ANKFN1: variants seen among roughly 807,000 people sequenced by gnomAD.
ANKFN1 encodes ankyrin repeat and fibronectin type-III domain-containing protein 1.
In ANKFN1, 74 loss-of-function variants were observed where a neutral mutation model predicts 108.7. That is an observed-to-expected ratio of 0.68 (90% CI 0.56 to 0.83). ANKFN1 has a LOEUF of 0.83. ANKFN1 is among the 40% of genes least tolerant of loss of function. ANKFN1 has a pLI of 0.00. For synonymous variants in ANKFN1, 547 were observed against 516.2 expected, an observed-to-expected ratio of 1.06 and a Z score of -0.81; for missense variants, 1,505 against 1,382.3, an observed-to-expected ratio of 1.09 and a Z score of -1.41.
intron 2 of ANKFN1, among the ~76,000 whole-genome samples, chr17:56,220,099 T>C (rs1032366873): frequency 6.6e-6 from 1 of 152,196 alleles, no homozygotes; most frequent in African/African-American, 2.4e-5. Flanking sequence ...CATGAGATGA[T>C]CTATGGAAAA....
chr17:56,365,465 A>T (rs1233973638), intron 6 of ANKFN1, among the ~76,000 whole-genome samples: 3 of 152,186 alleles, frequency 2.0e-5, no homozygotes, highest in Non-Finnish European at 4.4e-5. Flanking sequence ...AAGTTATAAG[A>T]CAAGTGTTGT....
chr17:56,233,829 A>T (rs1402990268), intron 3 of ANKFN1, among the ~76,000 whole-genome samples: 9 of 152,092 alleles, frequency 5.9e-5, no homozygotes, highest in East Asian at 1.9e-4. Context: ...TATAGTTTCC[A>T]TGTAAATGTG....
At chr17:56,302,729 TC>T (rs2044709171) in intron 3 of ANKFN1, among the ~76,000 whole-genome samples, 1 of 152,216 alleles carries the variant, frequency 6.6e-6, no homozygotes, top group African/African-American at 2.4e-5. Flanking sequence ...TTCTATATTT[TC>T]TACGCATAGG....
chr17:56,400,578 C>T (rs572889044), intron 8 of ANKFN1, among the ~76,000 whole-genome samples: 3 of 151,998 alleles, frequency 2.0e-5, no homozygotes, highest in South Asian at 2.1e-4. Flanking sequence ...GCAAAAAGCT[C>T]GTGCAAAAGT....
intron 4 of ANKFN1, among the ~76,000 whole-genome samples, chr17:56,136,915 G>A (rs1907631578): frequency 6.6e-6 from 1 of 152,184 alleles, no homozygotes; most frequent in Non-Finnish European, 1.5e-5. Flanking sequence ...CACAAAAGAT[G>A]GGGATTCTGT....
intron 8 of ANKFN1, among the ~76,000 whole-genome samples, chr17:56,416,735 A>T (rs2145027313): frequency 6.6e-6 from 1 of 152,380 alleles, no homozygotes; most frequent in South Asian, 2.1e-4. Flanking sequence ...ACATCAGTGT[A>T]TCAAAAAGAT....
chr17:56,332,246 A>G (rs2045683831), intron 4 of ANKFN1, among the ~76,000 whole-genome samples: 1 of 152,130 alleles, frequency 6.6e-6, no homozygotes, highest in Non-Finnish European at 1.5e-5. Flanking sequence ...GATGGCGGCA[A>G]TCGAGGCTCT....
intron 3 of ANKFN1, among the ~76,000 whole-genome samples, chr17:56,274,439 C>G (rs2043867751): frequency 6.6e-6 from 1 of 152,150 alleles, no homozygotes. Flanking sequence ...CGCCACTACA[C>G]TCCAGCCTGG....
Position 56,492,215 on chromosome 17 carries a change from T to C in ANKFN1, c.2289T>C (p.Phe763=). Reference sequence around the variant, plus strand: ...ATTTTTGCAGCTACAGAGAGAAATTTATTAGTCTGTATTGCCGCCTTTCTG... The same window carrying C: ...ATTTTTGCAGCTACAGAGAGAAATTCATTAGTCTGTATTGCCGCCTTTCTG... ...LVHFCSYREK[F]ISLYCRLSAV... Residue 763 remains phenylalanine (F), a synonymous_variant, in exon 19 of 21, where the codon TTT becomes TTC. Transcript: ENST00000682825. 1.4e-6 allele frequency: 1 copy of C among 701,970 alleles called. No homozygotes were observed. Among genetic ancestry groups the C allele is most frequent in the South Asian group, 1.5e-5 (1 of 67,490 alleles). The allele number at this position is 701,970 out of a possible 1,614,324, so 43.5% of individuals were successfully genotyped here.
intron 3 of ANKFN1, among the ~76,000 whole-genome samples, chr17:56,308,081 C>G (rs376193165): frequency 6.6e-6 from 1 of 152,054 alleles, no homozygotes; most frequent in Non-Finnish European, 1.5e-5. Flanking sequence ...ACACCGGGGC[C>G]TGTTGTGGGA....
At chr17:56,193,719 A>G (rs1913234958) in intron 1 of ANKFN1, among the ~76,000 whole-genome samples, 1 of 152,244 alleles carries the variant, frequency 6.6e-6, no homozygotes, top group Non-Finnish European at 1.5e-5. Flanking sequence ...TTGATTTCAC[A>G]ATGACTTTTT....
chr17:56,340,545 A>G (rs1428747666), intron 4 of ANKFN1, among the ~76,000 whole-genome samples: 3 of 152,070 alleles, frequency 2.0e-5, no homozygotes, highest in Non-Finnish European at 4.4e-5. Context: ...TTATCCCAGC[A>G]CCATTTATTG....
At chr17:56,117,782 G>T (rs1906368474) in intron 4 of ANKFN1, among the ~76,000 whole-genome samples, 1 of 152,030 alleles carries the variant, frequency 6.6e-6, no homozygotes, top group Non-Finnish European at 1.5e-5. Flanking sequence ...CCATTCAATG[G>T]TTTTTAATAT....
intron 16 of ANKFN1, among the ~76,000 whole-genome samples, chr17:56,479,821 C>CT (rs2050633276): frequency 6.6e-6 from 1 of 152,216 alleles, no homozygotes; most frequent in South Asian, 2.1e-4. Flanking sequence ...TCCTGAGAGC[C>CT]TACTGCTGCT....
At chr17:56,179,078 A>G (rs1215691836) in intron 1 of ANKFN1, among the ~76,000 whole-genome samples, 2 of 152,190 alleles carry the variant, frequency 1.3e-5, no homozygotes, top group Non-Finnish European at 2.9e-5. Context: ...GCCAGCCCTT[A>G]AAATTGGTTA....
At chr17:56,461,329 T>C (rs955397136) in intron 14 of ANKFN1, among the ~76,000 whole-genome samples, 13 of 152,216 alleles carry the variant, frequency 8.5e-5, no homozygotes, top group Non-Finnish European at 1.0e-4. Context: ...GATCTAGTCA[T>C]GCCAATGACT....
At chr17:56,202,286 A>G (rs1034808569) in intron 1 of ANKFN1, among the ~76,000 whole-genome samples, 1 of 147,748 alleles carries the variant, frequency 6.8e-6, no homozygotes, top group Non-Finnish European at 1.5e-5. Flanking sequence ...TAAGAGTCAA[A>G]GACTTTCTCC....
intron 8 of ANKFN1, among the ~76,000 whole-genome samples, chr17:56,421,634 A>G (rs897166628): frequency 6.6e-6 from 1 of 152,156 alleles, no homozygotes; most frequent in Non-Finnish European, 1.5e-5. Context: ...TGTCCACAAC[A>G]CTCAGAAACC....
At chr17:56,220,850 G>A (rs1915823381) in intron 2 of ANKFN1, among the ~76,000 whole-genome samples, 1 of 50,422 alleles carries the variant, frequency 2.0e-5, no homozygotes, top group African/African-American at 2.8e-4. Flanking sequence ...GAGGGAGGGA[G>A]GAAGGAAGGA....
Sources: allele counts gnomAD v4.1 joint callset (sites outside exome capture counted in the v4.1 genomes callset), GRCh38; gene constraint gnomAD v4.1.1; transcripts MANE v1.5; gene names NCBI Gene and HGNC (gene_info 2026-07-23, HGNC 2026-07-21).